Variants in PLCE1 observed in about 807,000 individuals in gnomAD.
PLCE1 encodes 1-phosphatidylinositol 4,5-bisphosphate phosphodiesterase epsilon-1.
A neutral mutation model predicts 242.8 loss-of-function variants in PLCE1; 119 were observed. The observed-to-expected ratio is 0.49, with a 90% CI of 0.42 to 0.57. The LOEUF is 0.57. Among genes scored for constraint, PLCE1 ranks in the 20% least tolerant of loss-of-function variants. The probability of loss-of-function intolerance (pLI) is 0.00; values close to 1 mark genes in which losing one functional copy is unlikely to be tolerated. For missense variants in PLCE1, 2,441 were observed against 2,788.8 expected, an observed-to-expected ratio of 0.88 and a Z score of 2.81; for synonymous variants, 945 against 1,017.4, an observed-to-expected ratio of 0.93 and a Z score of 1.35.
At chr10:94,208,875 G>A (rs2049249058) in intron 4 of PLCE1, among the ~76,000 whole-genome samples, 1 of 152,236 alleles carries the variant, frequency 6.6e-6, no homozygotes, top group East Asian at 1.9e-4. Flanking sequence ...CAAAACACAG[G>A]TTGGAGAACC....
At chr10:94,132,727 G>A (rs112328241) in intron 3 of PLCE1, among the ~76,000 whole-genome samples, 3 of 151,588 alleles carry the variant, frequency 2.0e-5, no homozygotes, top group African/African-American at 7.2e-5. Context: ...AAGGCGGGCG[G>A]ATCACAAGGT....
At chr10:94,304,940 T>C (rs1233349027) in intron 25 of PLCE1, among the ~76,000 whole-genome samples, 4 of 152,174 alleles carry the variant, frequency 2.6e-5, no homozygotes, top group Admixed American at 2.6e-4. Context: ...TAACTATGAG[T>C]ATAGCCCATG....
chr10:94,290,963 C>A (rs2052625157), intron 22 of PLCE1, among the ~76,000 whole-genome samples: 1 of 152,116 alleles, frequency 6.6e-6, no homozygotes, highest in Admixed American at 6.5e-5. Context: ...AGGAATTTCT[C>A]AGCTCCAGTA....
In PLCE1 at chr10:94,247,114, G is replaced by GAAAAA. The variant is rs398014491; in HGVS notation, c.3096+508_3096+512dup. 1.6e-3 allele frequency among the ~76,000 whole-genome samples: 158 copies of GAAAAA among 100,354 alleles called. 1 individual carries two copies. The highest frequency in any genetic ancestry group is 6.3e-3 in the Middle Eastern group (1 of 158). 65.8% of individuals were successfully genotyped at this position (100,354 alleles called of 152,430 possible). On this transcript the variant is annotated intron_variant, in intron 8 of 32. Transcript: ENST00000371380. ...GCAACAGAGCAAGACTCTGTCTCAG[G>GAAAAA]AAAAAAAAAAAAAAAAAAAGTTAAT... is the stretch of plus-strand genomic sequence containing the variant.
rs1226800548 is a variant in PLCE1 at position 94,273,848 on chromosome 10, T to C, written c.4665+128T>C. 4.5e-6 allele frequency: 4 copies of C among 880,516 alleles called. No individual in the cohort carries two copies. The African/African-American group carries it at 6.7e-5, about 15-fold the overall frequency. The allele number at this position is 880,516 out of a possible 1,614,324, so 54.5% of individuals were successfully genotyped here. A position where few individuals can be genotyped will look rare whatever the true frequency, so the allele number is the denominator to read the frequency against. ...TTCAAGACTGACTTTCCTTAAATGA[T>C]AAGTTTGATTTTGGGCTTTTCATTC... On this transcript the variant is annotated intron_variant, in intron 19 of 32. Transcript: ENST00000371380.
chr10:94,236,413 A>G (rs909154178), intron 7 of PLCE1, among the ~76,000 whole-genome samples: 2 of 152,066 alleles, frequency 1.3e-5, no homozygotes, highest in African/African-American at 4.8e-5. Flanking sequence ...TAAGAATTCA[A>G]CACATTAAAT....
intron 8 of PLCE1, among the ~76,000 whole-genome samples, chr10:94,249,056 ACCACC>A (rs1240108630): frequency 6.6e-6 from 1 of 151,946 alleles, no homozygotes; most frequent in African/African-American, 2.4e-5. Context: ...ACCCTCCCCC[ACCACC>A]CCTGCACAGA....
rs1209444346 is a variant in PLCE1, at chr10:94,293,584, T to C, written c.5112T>C (p.Asn1704=). 1.9e-6 allele frequency: 3 copies of C among 1,613,966 alleles called. No individual in the cohort carries two copies. The South Asian group carries it at 3.3e-5, about 18-fold the overall frequency. ...GCAGGAAGTCCATTTTTGGCAACAA[T>C]CCGGGCAGAATGAGCCCAGGGGAGA... is the stretch of plus-strand genomic sequence containing the variant. ...RKSRKSIFGN[N]PGRMSPGETA... Residue 1704 remains asparagine (N), a synonymous_variant, in exon 23 of 33, where the codon AAT becomes AAC. Coordinates refer to ENST00000371380, the MANE Select transcript of PLCE1 (RefSeq NM_016341.4).
intron 4 of PLCE1, among the ~76,000 whole-genome samples, chr10:94,215,728 T>C (rs1049324258): frequency 1.3e-5 from 2 of 151,778 alleles, no homozygotes; most frequent in East Asian, 1.9e-4. Flanking sequence ...GGAAAACATA[T>C]ATGGAGAGGA....
At chr10:94,079,276 C>G (rs114782610) in intron 2 of PLCE1, among the ~76,000 whole-genome samples, 2 of 152,148 alleles carry the variant, frequency 1.3e-5, no homozygotes, top group Non-Finnish European at 2.9e-5. Context: ...GCTCTCCCAC[C>G]AAAGAACTAA....
At chr10:94,011,958 T>G (rs2061177016) in intron 1 of PLCE1, among the ~76,000 whole-genome samples, 1 of 152,146 alleles carries the variant, frequency 6.6e-6, no homozygotes, top group African/African-American at 2.4e-5. Flanking sequence ...GCTCTACTCC[T>G]TCTGTTCATT....
At chr10:94,267,960 G>C (rs1352623360) in intron 16 of PLCE1, among the ~76,000 whole-genome samples, 1 of 152,230 alleles carries the variant, frequency 6.6e-6, no homozygotes, top group Non-Finnish European at 1.5e-5. Context: ...ATGGATTGCT[G>C]TCACACAGAA....
rs1462137667 is a variant in PLCE1, at chr10:94,050,512, C to A, written c.1206+18260C>A. On this transcript the variant is annotated intron_variant, in intron 2 of 32. Transcript: ENST00000371380. The stretch of plus-strand genomic sequence containing the variant: ...ATTTGGGTGGGGACACAAAGCCAAA[C>A]TATATTACTCCACTACTTAAGATCC... Among the ~76,000 whole-genome samples, 30 of 152,050 alleles carry A rather than the reference C, an allele frequency of 2.0e-4. 1 individual carries two copies. The highest frequency in any genetic ancestry group is 2.0e-3 in the Admixed American group (30 of 15,268).
chr10:94,142,466 C>T (rs2047001651), intron 3 of PLCE1, among the ~76,000 whole-genome samples: 1 of 152,120 alleles, frequency 6.6e-6, no homozygotes, highest in South Asian at 2.1e-4. Context: ...CTGCAGTGCG[C>T]TATGATCCTG....
At chr10:94,070,267 C>A (rs1044070357) in intron 2 of PLCE1, among the ~76,000 whole-genome samples, 13 of 152,190 alleles carry the variant, frequency 8.5e-5, no homozygotes, top group Non-Finnish European at 1.8e-4. Context: ...TCAATAATCC[C>A]TTATTTTTAA....
At chr10:94,297,816 C>T (rs1200258089) in intron 23 of PLCE1, among the ~76,000 whole-genome samples, 3 of 152,024 alleles carry the variant, frequency 2.0e-5, no homozygotes. Context: ...TTTATGGAAT[C>T]ACTTCTTCAC....
intron 5 of PLCE1, among the ~76,000 whole-genome samples, 153 bp from the exon 6 acceptor site, chr10:94,233,901 T>G (rs1465794255): frequency 1.3e-5 from 2 of 150,974 alleles, no homozygotes; most frequent in Non-Finnish European, 1.5e-5. Context: ...TGAGCCAAGA[T>G]CGCACCACTG....
intron 29 of PLCE1, among the ~76,000 whole-genome samples, chr10:94,317,226 G>A (rs985896174): frequency 6.6e-5 from 10 of 152,064 alleles, no homozygotes; most frequent in Non-Finnish European, 1.0e-4. Context: ...TTGTGCTCTG[G>A]CCTGGGCAAC....
chr10:94,095,328 CTTTCTT>C (rs987421810), intron 2 of PLCE1, among the ~76,000 whole-genome samples: 35 of 114,834 alleles, frequency 3.0e-4, no homozygotes, highest in African/African-American at 1.5e-3. Context: ...CAATTTCTTT[CTTTCTT>C]TCTTTCTTTC....
Sources: allele counts gnomAD v4.1 joint callset (sites outside exome capture counted in the v4.1 genomes callset), GRCh38; gene constraint gnomAD v4.1.1; transcripts MANE v1.5; gene names NCBI Gene and HGNC (gene_info 2026-07-23, HGNC 2026-07-21).